The following LOC128092252 variants were observed in gnomAD, a reference collection of about 807,000 sequenced individuals.
chr15:50,653,676 T>A, the LOC128092252 span, among the ~76,000 whole-genome samples: 3 of 151,922 alleles, frequency 2.0e-5, no homozygotes, highest in Non-Finnish European at 4.4e-5. Flanking sequence ...AGCAAGGAAG[T>A]AGAGAACAGA....
At chr15:50,656,673 G>GA in the LOC128092252 span, among the ~76,000 whole-genome samples, 6 of 151,624 alleles carry the variant, frequency 4.0e-5, no homozygotes, top group Admixed American at 3.9e-4. Flanking sequence ...AGACTTCCTT[G>GA]AAAAACTCTT....
the LOC128092252 span, among the ~76,000 whole-genome samples, chr15:50,670,439 A>G: frequency 1.3e-5 from 2 of 152,136 alleles, no homozygotes; most frequent in South Asian, 4.1e-4. Flanking sequence ...AGCTAGCCAA[A>G]ACCCACCAAA....
the LOC128092252 span, among the ~76,000 whole-genome samples, chr15:50,676,347 T>C: frequency 2.6e-5 from 4 of 152,062 alleles, no homozygotes; most frequent in Admixed American, 1.3e-4. Context: ...ATATTAAAAT[T>C]AGAAAATTCT....
At chr15:50,650,333 A>C in the LOC128092252 span, among the ~76,000 whole-genome samples, 1 of 152,110 alleles carries the variant, frequency 6.6e-6, no homozygotes, top group South Asian at 2.1e-4. Flanking sequence ...CAGAGTAGAG[A>C]TCTCATAACA....
chr15:50,682,634 A>G, the LOC128092252 span, among the ~76,000 whole-genome samples: 1 of 152,120 alleles, frequency 6.6e-6, no homozygotes, highest in Non-Finnish European at 1.5e-5. Context: ...CTGTACCAAA[A>G]AGTCAACAAA....
chr15:50,652,919 T>G, the LOC128092252 span, among the ~76,000 whole-genome samples: 1 of 152,108 alleles, frequency 6.6e-6, no homozygotes. Context: ...CCCAGCACTT[T>G]GAGAGGCCAA....
chr15:50,656,166 T>C, the LOC128092252 span, among the ~76,000 whole-genome samples: 3 of 150,842 alleles, frequency 2.0e-5, no homozygotes, highest in Non-Finnish European at 4.5e-5. Context: ...CTATATGAAA[T>C]GCTAAATAAA....
At chr15:50,659,614 T>C in the LOC128092252 span, among the ~76,000 whole-genome samples, 26 of 152,308 alleles carry the variant, frequency 1.7e-4, no homozygotes, top group African/African-American at 6.3e-4. Flanking sequence ...TTATTTCTAT[T>C]GCAAAGTGGA....
At chr15:50,671,703 G>A in the LOC128092252 span, among the ~76,000 whole-genome samples, 1 of 152,054 alleles carries the variant, frequency 6.6e-6, no homozygotes, top group Non-Finnish European at 1.5e-5. Context: ...CCAGCTACCT[G>A]GGAAGCTAAG....
chr15:50,682,405 C>G, the LOC128092252 span, among the ~76,000 whole-genome samples: 1 of 151,636 alleles, frequency 6.6e-6, no homozygotes. Context: ...TGGTGAAACC[C>G]CATCTCTACT....
chr15:50,658,919 C>A, the LOC128092252 span, among the ~76,000 whole-genome samples: 1 of 152,192 alleles, frequency 6.6e-6, no homozygotes, highest in Admixed American at 6.5e-5. Context: ...AAACTAGTGG[C>A]CAGGCGCAGT....
At chr15:50,664,070 T>C in the LOC128092252 span, among the ~76,000 whole-genome samples, 2 of 151,950 alleles carry the variant, frequency 1.3e-5, no homozygotes, top group African/African-American at 2.4e-5. Flanking sequence ...GAGGCTGAGG[T>C]GGGCGGATCA....
the LOC128092252 span, among the ~76,000 whole-genome samples, chr15:50,674,511 C>T: frequency 2.0e-5 from 3 of 152,092 alleles, no homozygotes; most frequent in African/African-American, 7.2e-5. Context: ...ATTATTGTTG[C>T]TATTATTATT....
chr15:50,655,912 C>A, the LOC128092252 span, among the ~76,000 whole-genome samples: 1 of 151,842 alleles, frequency 6.6e-6, no homozygotes, highest in African/African-American at 2.4e-5. Context: ...ATCACTTGAA[C>A]CTGGGAGGCA....
At chr15:50,684,853 A>G in the LOC128092252 span, among the ~76,000 whole-genome samples, 5 of 152,192 alleles carry the variant, frequency 3.3e-5, no homozygotes, top group Non-Finnish European at 7.4e-5. Context: ...TATGTGCAGA[A>G]TTCTTTGTAA....
the LOC128092252 span, among the ~76,000 whole-genome samples, chr15:50,678,237 C>T: frequency 2.0e-5 from 2 of 98,192 alleles, no homozygotes; most frequent in African/African-American, 3.6e-5. Flanking sequence ...GAGACTCTCT[C>T]TCAAAAAAAA....
At chr15:50,673,059 AGC>A in the LOC128092252 span, among the ~76,000 whole-genome samples, 1 of 151,880 alleles carries the variant, frequency 6.6e-6, no homozygotes, top group African/African-American at 2.4e-5. Context: ...ACAGTAAGCT[AGC>A]GTTAATTTAT....
the LOC128092252 span, among the ~76,000 whole-genome samples, chr15:50,662,210 G>A: frequency 5.3e-5 from 8 of 152,030 alleles, no homozygotes; most frequent in Admixed American, 2.0e-4. Context: ...AAATTTAGCC[G>A]GCTGTGGTGG....
the LOC128092252 span, among the ~76,000 whole-genome samples, chr15:50,679,497 ATGTG>A: frequency 9.6e-5 from 11 of 114,404 alleles, no homozygotes; most frequent in East Asian, 2.2e-3. Context: ...TATTATATAT[ATGTG>A]TATATATATA....
Sources: gnomAD v4.1 joint callset for allele counts (sites outside exome capture counted in the v4.1 genomes callset) on GRCh38, gnomAD v4.1.1 for gene constraint, MANE v1.5 for transcripts.